Variants in PACRG observed in about 807,000 individuals in gnomAD.
PACRG encodes the protein parkin coregulated gene protein.
PACRG carries 29 observed loss-of-function variants against 29.7 expected under a neutral mutation model. The observed-to-expected ratio is 0.98, with a 90% confidence interval of 0.73 to 1.33. The LOEUF is 1.33. PACRG is among the 40% of genes most tolerant of loss of function. PACRG has a pLI of 0.00. For missense variants in PACRG, 279 were observed against 316.2 expected (o/e 0.88, Z 0.89); for synonymous variants, 116 against 118.7 (o/e 0.98, Z 0.15).
intron 4 of PACRG, among the ~76,000 whole-genome samples, chr6:163,167,998 T>C (rs567135559): frequency 6.6e-6 from 1 of 152,336 alleles, no homozygotes; most frequent in South Asian, 2.1e-4. Flanking sequence ...TATTTTTTGC[T>C]GCGGTGTTTG....
intron 1 of PACRG, among the ~76,000 whole-genome samples, chr6:162,770,241 T>A (rs1444165209): frequency 6.6e-6 from 1 of 152,180 alleles, no homozygotes; most frequent in East Asian, 1.9e-4. Context: ...CCAAGATAAT[T>A]CTATTTCAAT....
At chr6:163,205,977 C>T (rs920736416) in intron 4 of PACRG, among the ~76,000 whole-genome samples, 4 of 152,160 alleles carry the variant, frequency 2.6e-5, no homozygotes, top group African/African-American at 4.8e-5. Context: ...CATCACTGAT[C>T]ATTACAGAAA....
chr6:163,178,244 C>A (rs1779481580), intron 4 of PACRG, among the ~76,000 whole-genome samples: 1 of 152,154 alleles, frequency 6.6e-6, no homozygotes, highest in Admixed American at 6.5e-5. Context: ...CATGAGCACG[C>A]CCCATGCAAT....
At chr6:162,927,876 T>C (rs1320500617) in intron 2 of PACRG, among the ~76,000 whole-genome samples, 3 of 152,058 alleles carry the variant, frequency 2.0e-5, no homozygotes, top group Non-Finnish European at 4.4e-5. Flanking sequence ...TGAAACTGGA[T>C]CGTGGTGTAC....
In PACRG at chr6:163,114,634, A is replaced by G. The variant is rs191792545; in HGVS notation, c.613+25226A>G. 9.8e-5 allele frequency among the ~76,000 whole-genome samples: 15 copies of G among 152,306 alleles called. No individual in the cohort carries two copies. In the East Asian group the frequency reaches 2.9e-3, roughly 29 times the overall value. On this transcript the variant is annotated intron_variant, in intron 4 of 4. Coordinates refer to ENST00000366888, the MANE Select transcript of PACRG (RefSeq NM_001080379.2). ...AAAAATATTACATGATCTCACTTAT[A>G]TGATGAATCTAAAATAATCAAACTT...
intron 1 of PACRG, among the ~76,000 whole-genome samples, chr6:162,735,948 G>A (rs935294524): frequency 1.3e-5 from 2 of 152,170 alleles, no homozygotes; most frequent in African/African-American, 2.4e-5. Context: ...TAGAAAGCTT[G>A]GGCTCAAGAA....
At chr6:162,925,912 A>G (rs886476717) in intron 2 of PACRG, among the ~76,000 whole-genome samples, 4 of 152,086 alleles carry the variant, frequency 2.6e-5, no homozygotes, top group Admixed American at 2.6e-4. Context: ...AAACCCCACC[A>G]TCTCAGCCCA....
At chr6:163,143,084 T>C (rs1229831348) in intron 4 of PACRG, among the ~76,000 whole-genome samples, 4 of 152,204 alleles carry the variant, frequency 2.6e-5, no homozygotes, top group Non-Finnish European at 4.4e-5. Context: ...TTAACGTTGA[T>C]TTCTTAGCTT....
At chr6:163,189,480 C>T (rs1221956592) in intron 4 of PACRG, 3 of 152,170 alleles carry the variant, frequency 2.0e-5, no homozygotes, top group African/African-American at 7.2e-5. Flanking sequence ...GAACTAGATG[C>T]CTTATGCCCA....
chr6:162,896,765 T>C (rs1295261568), intron 2 of PACRG, among the ~76,000 whole-genome samples: 3 of 152,258 alleles, frequency 2.0e-5, no homozygotes, highest in Non-Finnish European at 4.4e-5. Context: ...TCTTATGCCT[T>C]TTAATATATT....
intron 4 of PACRG, chr6:163,313,845 C>G (rs1400330618): frequency 6.6e-6 from 1 of 152,116 alleles, no homozygotes; most frequent in Admixed American, 6.5e-5. Flanking sequence ...CCCTTGGTAA[C>G]CTAGGAGTGG....
intron 2 of PACRG, among the ~76,000 whole-genome samples, chr6:162,922,327 T>C (rs996690773): frequency 2.0e-5 from 3 of 149,602 alleles, no homozygotes; most frequent in Non-Finnish European, 4.4e-5. Flanking sequence ...CCTCAGGGGC[T>C]CCCCCTCCTG....
intron 4 of PACRG, among the ~76,000 whole-genome samples, chr6:163,099,048 G>A (rs1230460767): frequency 6.6e-6 from 1 of 152,168 alleles, no homozygotes; most frequent in Admixed American, 6.5e-5. Context: ...TTCATCCTGT[G>A]ACTCAGAATC....
At chr6:163,186,776 T>C (rs756129343) in intron 4 of PACRG, among the ~76,000 whole-genome samples, 3 of 152,202 alleles carry the variant, frequency 2.0e-5, no homozygotes, top group Non-Finnish European at 4.4e-5. Flanking sequence ...CAGCATGCAT[T>C]TCCTCTCCAC....
intron 2 of PACRG, among the ~76,000 whole-genome samples, chr6:162,952,738 T>G (rs1000001075): frequency 6.6e-6 from 1 of 152,178 alleles, no homozygotes; most frequent in Non-Finnish European, 1.5e-5. Context: ...GGAAGTAGCA[T>G]GCATCATCCT....
At chr6:163,087,596 A>G (rs112607085) in intron 3 of PACRG, among the ~76,000 whole-genome samples, 1,617 of 104,884 alleles carry the variant, frequency 0.015, 3 homozygotes, top group Middle Eastern at 0.049. Context: ...CAGGGGAGAG[A>G]AGGTGAGGAT....
At chr6:163,241,210 G>T (rs1311840441) in intron 4 of PACRG, among the ~76,000 whole-genome samples, 3 of 152,126 alleles carry the variant, frequency 2.0e-5, no homozygotes, top group Non-Finnish European at 2.9e-5. Context: ...CCTGTACACT[G>T]CAACAGTTTA....
rs6455857 is a variant in PACRG, at chr6:162,898,777, G to A, written c.291+84496G>A. 7.3e-3 allele frequency among the ~76,000 whole-genome samples: 1,109 copies of A among 152,250 alleles called. 11 individuals carry two copies. Among genetic ancestry groups the A allele is most frequent in the African/African-American group, 0.026 (1,060 of 41,550 alleles). On this transcript the variant is annotated intron_variant, in intron 2 of 4. Coordinates refer to ENST00000366888, the MANE Select transcript of PACRG (RefSeq NM_001080379.2). ...ATTAGCTATTATCGTTATGGTCTTC[G>A]TTTTACTTTATTGATGCCTAAAGTA... is the stretch of plus-strand genomic sequence containing the variant.
intron 4 of PACRG, among the ~76,000 whole-genome samples, chr6:163,090,521 G>T (rs147252757): frequency 1.3e-5 from 2 of 152,116 alleles, no homozygotes; most frequent in African/African-American, 2.4e-5. Flanking sequence ...TAGTCTTTAC[G>T]CAAAGTAATA....
Sources: allele counts gnomAD v4.1 joint callset (sites outside exome capture counted in the v4.1 genomes callset), GRCh38; gene constraint gnomAD v4.1.1; transcripts MANE v1.5; gene names NCBI Gene and HGNC (gene_info 2026-07-23, HGNC 2026-07-21).